Variants in PCMT1 observed in about 807,000 individuals in gnomAD.
PCMT1 encodes the protein protein-L-isoaspartate(D-aspartate) O-methyltransferase.
Under a neutral mutation model 29.2 loss-of-function variants are expected in PCMT1, and 9 were observed. The observed-to-expected ratio is 0.31, with a 90% CI of 0.19 to 0.54. The LOEUF (loss-of-function observed/expected upper bound fraction) is 0.54. PCMT1 is among the 20% of genes least tolerant of loss of function. PCMT1 has a pLI of 0.95. For missense variants in PCMT1, 184 were observed against 282.2 expected (o/e 0.65, Z 2.49); for synonymous variants, 98 against 97.5 (o/e 1.00, Z -0.03).
intron 3 of PCMT1, among the ~76,000 whole-genome samples, chr6:149,785,982 G>A (rs1366090603): frequency 2.7e-5 from 4 of 150,618 alleles, no homozygotes; most frequent in African/African-American, 7.3e-5. Context: ...CAGTAGGGGC[G>A]GCCGGGCAGA....
At chr6:149,757,793 C>G (rs946955840) in intron 1 of PCMT1, among the ~76,000 whole-genome samples, 1 of 152,172 alleles carries the variant, frequency 6.6e-6, no homozygotes, top group African/African-American at 2.4e-5. Context: ...TTTGAATGTA[C>G]ACTAGATCTC....
chr6:149,757,417 A>G (rs1786552046), intron 1 of PCMT1, among the ~76,000 whole-genome samples: 1 of 152,182 alleles, frequency 6.6e-6, no homozygotes, highest in Non-Finnish European at 1.5e-5. Context: ...TTAATATTAT[A>G]TTTAGCTTTG....
intron 3 of PCMT1, among the ~76,000 whole-genome samples, chr6:149,778,881 A>G (rs1277547090): frequency 2.6e-5 from 4 of 152,250 alleles, no homozygotes; most frequent in South Asian, 2.1e-4. Flanking sequence ...ACTTTTTTGT[A>G]TATTACCTAT....
intron 3 of PCMT1, among the ~76,000 whole-genome samples, chr6:149,783,721 G>A (rs142388342): frequency 6.6e-6 from 1 of 152,144 alleles, no homozygotes; most frequent in African/African-American, 2.4e-5. Context: ...CTGAGACAGG[G>A]TCTTGCTCTG....
In PCMT1 at chr6:149,802,346, A is replaced by G. The variant is rs1306277990; in HGVS notation, c.651A>G (p.Thr217=). The G allele has an allele frequency of 6.2e-7, 1 of 1,612,102 alleles. No homozygotes were observed. Among genetic ancestry groups the G allele is most frequent in the South Asian group, 1.1e-5 (1 of 90,816 alleles). The change falls in exon 7 of 8, where the codon ACA becomes ACG. Residue 217 remains threonine (T), a synonymous_variant. Transcript: ENST00000464889. ...TGGGGGTGATATACGTGCCTTTAACAGATAAAGAAAAGCAGTGGTCCAGGT... is the reference window on the plus strand; with the variant it reads ...TGGGGGTGATATACGTGCCTTTAACGGATAAAGAAAAGCAGTGGTCCAGGT... The part of the protein sequence containing the change: ...PLMGVIYVPL[T]DKEKQWSRWK
chr6:149,770,268 CT>C (rs1787257270), intron 1 of PCMT1, among the ~76,000 whole-genome samples: 1 of 152,136 alleles, frequency 6.6e-6, no homozygotes, highest in African/African-American at 2.4e-5. Context: ...AACTTTGATC[CT>C]TCTACAGGAT....
intron 3 of PCMT1, among the ~76,000 whole-genome samples, chr6:149,775,320 A>G (rs1196950667): frequency 6.6e-6 from 1 of 152,226 alleles, no homozygotes; most frequent in Non-Finnish European, 1.5e-5. Flanking sequence ...CATGACAGAA[A>G]ACACAGAAGC....
At chr6:149,780,747 A>G (rs2115277910) in intron 3 of PCMT1, among the ~76,000 whole-genome samples, 1 of 152,308 alleles carries the variant, frequency 6.6e-6, no homozygotes, top group South Asian at 2.1e-4. Flanking sequence ...ACATTTATCT[A>G]TTAACTGTTG....
At position 149,773,120 on chromosome 6, in the gene PCMT1, TCTC is replaced by T. The variant is rs1787404355; in HGVS notation, c.161-17_161-15del. On this transcript the variant is annotated splice_polypyrimidine_tract_variant and intron_variant, in intron 2 of 7. Transcript: ENST00000464889. ...TTTTACAGCTGACTGTATCAGTAGTTCTCTTCTTCTTTTGCAGGTTTCCAAGCA... is the reference window on the plus strand; with the variant it reads ...TTTTACAGCTGACTGTATCAGTAGTTTTCTTCTTTTGCAGGTTTCCAAGCA... The T allele has an allele frequency of 1.2e-6, 2 of 1,601,262 alleles. No homozygotes were observed. Among genetic ancestry groups the T allele is most frequent in the Non-Finnish European group, 8.6e-7 (1 of 1,169,288 alleles).
At chr6:149,785,355 CTTTTT>C (rs11310169) in intron 3 of PCMT1, among the ~76,000 whole-genome samples, 4 of 73,232 alleles carry the variant, frequency 5.5e-5, no homozygotes, top group African/African-American at 2.7e-4. Flanking sequence ...TGGCTGTTTT[CTTTTT>C]TTTTTTTTTT....
intron 3 of PCMT1, among the ~76,000 whole-genome samples, chr6:149,774,561 G>T (rs1049806112): frequency 7.0e-6 from 1 of 143,682 alleles, no homozygotes; most frequent in South Asian, 2.2e-4. Context: ...TTTTTGAGAC[G>T]GAGTTTCGTT....
At position 149,773,165 on chromosome 6, in the gene PCMT1, A is replaced by T; in HGVS notation, c.188A>T (p.His63Leu). Reference protein sequence around the residue: ...IGFQATISAPHMHAYALELLF... With the variant: ...IGFQATISAPLMHAYALELLF... ...TTCCAAGCAACAATCAGTGCTCCAC[A>T]CATGGTAAGTTAAGTTTGTTCACTT... The change falls in exon 3 of 8, where the codon CAC becomes CTC. Residue 63 changes from histidine to leucine, a missense_variant. Transcript: ENST00000464889. The T allele has an allele frequency of 6.2e-7, 1 of 1,609,740 alleles. No individual in the cohort carries two copies. The highest frequency in any genetic ancestry group is 8.5e-7 in the Non-Finnish European group (1 of 1,176,652).
At chr6:149,804,097 A>T (rs1775936755) in intron 7 of PCMT1, among the ~76,000 whole-genome samples, 1 of 151,566 alleles carries the variant, frequency 6.6e-6, no homozygotes, top group South Asian at 2.1e-4. Flanking sequence ...AAAAAAAAAA[A>T]AAAAAATTAA....
At chr6:149,769,308 C>CTTTTTTGTTTTTTTTTTTT (rs1787215045) in intron 1 of PCMT1, among the ~76,000 whole-genome samples, 1 of 71,562 alleles carries the variant, frequency 1.4e-5, no homozygotes, top group Non-Finnish European at 2.2e-5. Flanking sequence ...GTGCAGGATT[C>CTTTTTTGTTTTTTTTTTTT]TTTTTTTTTT....
rs76046189 is a variant in PCMT1 at position 149,755,852 on chromosome 6, T to G, written c.55+5896T>G. On this transcript the variant is annotated intron_variant, in intron 1 of 7. Transcript: ENST00000464889. ...GACAAAGTAGGGAGGGAGGACAGAG[T>G]GTGTGGGGCAGTAGGTTTATAGTTG... 5.4e-3 allele frequency among the ~76,000 whole-genome samples: 823 copies of G among 151,964 alleles called. 9 individuals are homozygous for G. Among genetic ancestry groups the G allele is most frequent in the African/African-American group, 0.018 (754 of 41,426 alleles).
At chr6:149,793,804 C>T (rs901500212) in intron 5 of PCMT1, 135 bp downstream of exon 5, 4 of 738,296 alleles carry the variant, frequency 5.4e-6, no homozygotes, top group Non-Finnish European at 7.7e-6. Context: ...AAAATAAAAA[C>T]GATTATTTTT....
At chr6:149,793,252 A>G (rs1241497543) in intron 4 of PCMT1, among the ~76,000 whole-genome samples, 1 of 152,206 alleles carries the variant, frequency 6.6e-6, no homozygotes, top group East Asian at 1.9e-4. Context: ...ATTTAAATAA[A>G]AAATTATTGT....
chr6:149,772,001 T>C (rs1787346874), intron 2 of PCMT1: 1 of 456,614 alleles, frequency 2.2e-6, no homozygotes, highest in Admixed American at 2.4e-5. Context: ...TTTTGGCTTG[T>C]GTTTGTTTTT....
At chr6:149,779,161 G>A (rs1787705557) in intron 3 of PCMT1, among the ~76,000 whole-genome samples, 2 of 152,222 alleles carry the variant, frequency 1.3e-5, no homozygotes, top group East Asian at 1.9e-4. Flanking sequence ...GAGGCACAGC[G>A]AGTTCTTGCT....
Sources: gnomAD v4.1 joint callset for allele counts (sites outside exome capture counted in the v4.1 genomes callset) on GRCh38, gnomAD v4.1.1 for gene constraint, MANE v1.5 for transcripts, NCBI Gene and HGNC (gene_info 2026-07-23, HGNC 2026-07-21) for gene names.